Variants in WSCD1 observed in about 807,000 individuals in gnomAD.
WSCD1 encodes the protein sialate:O-sulfotransferase 1.
A neutral mutation model predicts 60.4 loss-of-function variants in WSCD1; 41 were observed. That is an observed-to-expected ratio of 0.68 (90% CI 0.53 to 0.88). WSCD1 has a LOEUF of 0.88. Among genes scored for constraint, WSCD1 ranks in the 40% least tolerant of loss-of-function variants. The probability of loss-of-function intolerance (pLI) is 0.00; values close to 1 mark genes in which losing one functional copy is unlikely to be tolerated. For missense variants in WSCD1, 784 were observed against 796.2 expected (o/e 0.98, Z 0.18); for synonymous variants, 361 against 332.5 (o/e 1.09, Z -0.93).
chr17:6,111,000 C>T lies in WSCD1; in HGVS notation c.1174+65C>T, dbSNP rs777173255. 3 of 1,534,406 alleles carry T rather than the reference C, an allele frequency of 2.0e-6. No individual in the cohort carries two copies. Among genetic ancestry groups the T allele is most frequent in the Non-Finnish European group, 1.8e-6 (2 of 1,135,984 alleles). ...GGTGACCAAACTGTCACCTTGCCAG[C>T]CAAGCTTCTCAGAGCACTAGAGCAG... On this transcript the variant is annotated intron_variant, in intron 7 of 8. Transcript: ENST00000317744. The surrounding 1 kb of genome is among the most constrained non-coding windows in gnomAD (Gnocchi z 4.8).
Position 6,095,242 on chromosome 17 carries a change from T to G in WSCD1, c.849+19T>G. ...CCAGAAAGTAAGACCAAGTGATCAT[T>G]TCACAACCCTTTCCTTTAAGTGTGT... On this transcript the variant is annotated intron_variant, in intron 5 of 8. Transcript: ENST00000317744. 1 of 1,609,816 alleles carries G rather than the reference T, an allele frequency of 6.2e-7. No homozygotes were observed. The highest frequency in any genetic ancestry group is 8.5e-7 in the Non-Finnish European group (1 of 1,177,980).
intron 4 of WSCD1, among the ~76,000 whole-genome samples, chr17:6,092,069 G>A (rs1194656962): frequency 6.7e-6 from 1 of 149,858 alleles, no homozygotes; most frequent in Non-Finnish European, 1.5e-5. Context: ...CAGGAGAATC[G>A]CTTGAACCCG....
At chr17:6,087,943 C>A (rs1275417467) in intron 2 of WSCD1, 47 bp from the exon 3 acceptor site, 2 of 1,498,630 alleles carry the variant, frequency 1.3e-6, no homozygotes, top group Non-Finnish European at 1.9e-6. Context: ...AAGGGTGGGC[C>A]CATGATTCCT....
At chr17:6,076,338 TG>T (rs1225918381) in intron 1 of WSCD1, among the ~76,000 whole-genome samples, 2 of 152,158 alleles carry the variant, frequency 1.3e-5, no homozygotes, top group African/African-American at 4.8e-5. Context: ...TCATAAATGG[TG>T]GCATTGACAA....
intron 1 of WSCD1, chr17:6,071,004 G>C (rs1459747577): frequency 6.6e-6 from 1 of 152,158 alleles, no homozygotes; most frequent in Non-Finnish European, 1.5e-5. Context: ...TTGGTCCCGG[G>C]GAGGGGGCGA....
intron 2 of WSCD1, among the ~76,000 whole-genome samples, chr17:6,087,379 C>T (rs1028658138): frequency 6.6e-6 from 1 of 152,162 alleles, no homozygotes; most frequent in Non-Finnish European, 1.5e-5. Flanking sequence ...GTCACTTGGC[C>T]CTGTTGTTTC....
chr17:6,082,736 T>A (rs557477041), intron 2 of WSCD1, among the ~76,000 whole-genome samples: 1 of 152,258 alleles, frequency 6.6e-6, no homozygotes, highest in South Asian at 2.1e-4. Context: ...CAGAGCACAG[T>A]GGACCACCTG....
chr17:6,080,799 G>C lies in WSCD1; in HGVS notation c.141G>C (p.Arg47=), dbSNP rs753420039. The change falls in exon 2 of 9, where the codon CGG becomes CGC. Residue 47 remains arginine (R), a synonymous_variant. Coordinates refer to ENST00000317744, the MANE Select transcript of WSCD1 (RefSeq NM_015253.2). This position sits in a 1 kb window ranked among gnomAD's most constrained non-coding sequence, Gnocchi z 6.6. ...GCGTGGCTCTCCCACAGGGCCCCCG[G>C]GCACCCGGCCCCCTGCAGACCTTGC... ...RVRVALPQGP[R]APGPLQTLPV... 1 of 1,609,998 alleles carries C rather than the reference G, an allele frequency of 6.2e-7. No individual in the cohort carries two copies. Among genetic ancestry groups the C allele is most frequent in the South Asian group, 1.1e-5 (1 of 90,696 alleles).
At chr17:6,095,010 T>C in intron 4 of WSCD1, 92 bp from the exon 5 acceptor site, 1 of 1,522,066 alleles carries the variant, frequency 6.6e-7, no homozygotes, top group Non-Finnish European at 8.8e-7. Flanking sequence ...TATTTATACC[T>C]GTCTCAGGAC....
intron 2 of WSCD1, among the ~76,000 whole-genome samples, chr17:6,082,397 C>T (rs1421233606): frequency 6.6e-6 from 1 of 152,172 alleles, no homozygotes; most frequent in Non-Finnish European, 1.5e-5. Flanking sequence ...AGTACCAGAG[C>T]AGAATACACA....
At chr17:6,105,989 T>C (rs1911066275) in intron 5 of WSCD1, among the ~76,000 whole-genome samples, 1 of 152,216 alleles carries the variant, frequency 6.6e-6, no homozygotes, top group Non-Finnish European at 1.5e-5. Flanking sequence ...CAGCTTCTGG[T>C]GCAATTGGGA....
At chr17:6,116,564 A>C (rs1403319917) in intron 7 of WSCD1, among the ~76,000 whole-genome samples, 1 of 152,194 alleles carries the variant, frequency 6.6e-6, no homozygotes, top group Non-Finnish European at 1.5e-5. Flanking sequence ...AGGGTTGTTA[A>C]AGACTAGATC....
intron 5 of WSCD1, among the ~76,000 whole-genome samples, chr17:6,109,026 G>A (rs1191540751): frequency 6.6e-6 from 1 of 152,222 alleles, no homozygotes; most frequent in East Asian, 1.9e-4. Context: ...TGGCATGAGA[G>A]TTGGTTTTAG....
chr17:6,114,206 G>T (rs1435795118), intron 7 of WSCD1, among the ~76,000 whole-genome samples: 1 of 149,424 alleles, frequency 6.7e-6, no homozygotes, highest in Non-Finnish European at 1.5e-5. Context: ...CCACATGGAT[G>T]AGCCTAAGGG....
At chr17:6,084,395 G>A (rs892266623) in intron 2 of WSCD1, among the ~76,000 whole-genome samples, 10 of 152,344 alleles carry the variant, frequency 6.6e-5, no homozygotes, top group East Asian at 3.9e-4. Context: ...CAGCCAGTCC[G>A]GCCTCACTGG....
In WSCD1 at chr17:6,095,205, G is replaced by C. The variant is rs573137717; in HGVS notation, c.831G>C (p.Ser277=). 1.9e-6 allele frequency: 3 copies of C among 1,613,300 alleles called. No homozygotes were observed. In the South Asian group the frequency reaches 3.3e-5, roughly 18 times the overall value. Residue 277 remains serine (S), a synonymous_variant, in exon 5 of 9, where the codon TCG becomes TCC. Coordinates refer to ENST00000317744, the MANE Select transcript of WSCD1 (RefSeq NM_015253.2). ...CCAATGTGACCGTGGGGACTTGCTC[G>C]GGCTTTTGTTCCCAGAAAGTAAGAC... ...IQANVTVGTC[S]GFCSQKEFPL... is the part of the protein sequence containing the mutation.
chr17:6,076,986 G>T (rs978012122), intron 1 of WSCD1, among the ~76,000 whole-genome samples: 5 of 152,202 alleles, frequency 3.3e-5, no homozygotes, highest in Admixed American at 1.3e-4. Flanking sequence ...GTGCCCTGGA[G>T]GGGGGCTGCC....
At chr17:6,085,023 C>A (rs1909539030) in intron 2 of WSCD1, 1 of 152,194 alleles carries the variant, frequency 6.6e-6, no homozygotes, top group Non-Finnish European at 1.5e-5. Context: ...TGGGCCACTC[C>A]CTGTTTCCAG....
At chr17:6,087,688 A>G (rs549365024) in intron 2 of WSCD1, among the ~76,000 whole-genome samples, 1 of 152,280 alleles carries the variant, frequency 6.6e-6, no homozygotes, top group East Asian at 1.9e-4. Flanking sequence ...AGCCTTCCCA[A>G]CTTCTGAGTT....
Sources: allele counts gnomAD v4.1 joint callset (sites outside exome capture counted in the v4.1 genomes callset), GRCh38; gene constraint gnomAD v4.1.1; non-coding constraint Gnocchi (gnomAD v3.1); transcripts MANE v1.5; gene names NCBI Gene and HGNC (gene_info 2026-07-23, HGNC 2026-07-21).